The following MACROD2 variants were observed in gnomAD, a reference collection of about 807,000 sequenced individuals.
The protein encoded by MACROD2 is ADP-ribose glycohydrolase MACROD2.
In MACROD2, 36 loss-of-function variants were observed where a neutral mutation model predicts 70.4. That is an observed-to-expected ratio of 0.51 (90% confidence interval 0.39 to 0.68). MACROD2 has a LOEUF of 0.68. Ranked by LOEUF, MACROD2 falls within the 30% of genes least tolerant of loss-of-function variation. The pLI is 0.00. For synonymous variants in MACROD2, 172 were observed against 178.8 expected, an observed-to-expected ratio of 0.96 and a Z score of 0.30; for missense variants, 496 against 538.4, an observed-to-expected ratio of 0.92 and a Z score of 0.78.
intron 3 of MACROD2, among the ~76,000 whole-genome samples, chr20:14,182,707 C>G (rs1003668368): frequency 5.3e-5 from 8 of 152,050 alleles, no homozygotes; most frequent in African/African-American, 1.9e-4. Flanking sequence ...TAAAAATACT[C>G]TTAAGTGTGA....
intron 3 of MACROD2, chr20:14,327,635 G>T: frequency 9.4e-7 from 1 of 1,062,050 alleles, no homozygotes. Flanking sequence ...AACAAATGTG[G>T]AAACTAAAAT....
intron 9 of MACROD2, among the ~76,000 whole-genome samples, chr20:15,874,604 A>T (rs1390626932): frequency 6.6e-6 from 1 of 152,086 alleles, no homozygotes; most frequent in Non-Finnish European, 1.5e-5. Flanking sequence ...AATGATCACC[A>T]TTCTAACTGG....
chr20:15,249,778 A>T (rs564158603), intron 6 of MACROD2, among the ~76,000 whole-genome samples: 1 of 152,218 alleles, frequency 6.6e-6, no homozygotes, highest in South Asian at 2.1e-4. Flanking sequence ...GCAGAATGAC[A>T]ATCCATGTGG....
chr20:14,907,302 C>A (rs1041905513), intron 5 of MACROD2, among the ~76,000 whole-genome samples: 2 of 152,346 alleles, frequency 1.3e-5, no homozygotes, highest in Admixed American at 6.5e-5. Flanking sequence ...TATGGGATGG[C>A]CCTGCTCTGC....
intron 5 of MACROD2, among the ~76,000 whole-genome samples, chr20:15,098,379 T>A (rs912904020): frequency 2.0e-5 from 3 of 152,198 alleles, no homozygotes; most frequent in Non-Finnish European, 4.4e-5. Context: ...GCTCTCCTCA[T>A]AACAGTGTTC....
chr20:14,955,151 A>G (rs989824200), intron 5 of MACROD2, among the ~76,000 whole-genome samples: 2 of 103,210 alleles, frequency 1.9e-5, no homozygotes, highest in Non-Finnish European at 3.8e-5. Flanking sequence ...ATTATATTAT[A>G]TGTACTTTAT....
At chr20:14,123,358 C>G (rs188727502) in intron 3 of MACROD2, among the ~76,000 whole-genome samples, 34 of 152,254 alleles carry the variant, frequency 2.2e-4, no homozygotes, top group Middle Eastern at 3.4e-3. Flanking sequence ...TTCTCAGCTG[C>G]TATGTGGCAT....
chr20:14,941,118 G>A (rs926673759), intron 5 of MACROD2, among the ~76,000 whole-genome samples: 4 of 152,048 alleles, frequency 2.6e-5, no homozygotes, highest in Non-Finnish European at 5.9e-5. Flanking sequence ...TTCAATTTTA[G>A]TAGATTGTAT....
chr20:14,510,905 A>G (rs416436), intron 4 of MACROD2, among the ~76,000 whole-genome samples: 124,838 of 152,082 alleles, frequency 0.82, 51,656 homozygotes, highest in East Asian at 1. Context: ...ATGTTACATG[A>G]TAAGTACTGG....
intron 15 of MACROD2, among the ~76,000 whole-genome samples, chr20:16,000,214 C>T (rs535174349): frequency 6.6e-6 from 1 of 152,288 alleles, no homozygotes; most frequent in East Asian, 1.9e-4. Flanking sequence ...AATGTGAACT[C>T]CCTCATTTCA....
intron 3 of MACROD2, among the ~76,000 whole-genome samples, chr20:14,437,340 A>G (rs2084067892): frequency 6.6e-6 from 1 of 152,148 alleles, no homozygotes; most frequent in Non-Finnish European, 1.5e-5. Context: ...CACACCTGTA[A>G]TCCCAGCACT....
intron 8 of MACROD2, among the ~76,000 whole-genome samples, chr20:15,537,279 C>T (rs1375048656): frequency 2.0e-5 from 3 of 152,008 alleles, no homozygotes; most frequent in Non-Finnish European, 4.4e-5. Flanking sequence ...TGAAGCCTCC[C>T]CAGCCATGTG....
intron 6 of MACROD2, among the ~76,000 whole-genome samples, chr20:15,360,264 C>G (rs1227621654): frequency 6.6e-6 from 1 of 152,068 alleles, no homozygotes; most frequent in Non-Finnish European, 1.5e-5. Flanking sequence ...TATTGAAGGA[C>G]AGTTTTGTTG....
At chr20:15,701,571 C>T (rs533323747) in intron 8 of MACROD2, among the ~76,000 whole-genome samples, 2 of 152,076 alleles carry the variant, frequency 1.3e-5, no homozygotes, top group Non-Finnish European at 2.9e-5. Context: ...AGTACTTTCT[C>T]CTTTCAGTGT....
chr20:16,006,954 G>A (rs193178396), intron 15 of MACROD2, among the ~76,000 whole-genome samples: 31 of 152,272 alleles, frequency 2.0e-4, no homozygotes, highest in Middle Eastern at 3.4e-3. Flanking sequence ...AGATGTGCCT[G>A]TATTAAATAT....
At chr20:16,012,282 A>G (rs1203044696) in intron 15 of MACROD2, among the ~76,000 whole-genome samples, 2 of 152,138 alleles carry the variant, frequency 1.3e-5, no homozygotes, top group Non-Finnish European at 2.9e-5. Context: ...CACATTAGAG[A>G]GGACACACCG....
In MACROD2 at chr20:14,417,062, CTATCATCTATCTATCTATCT is replaced by C. The variant is rs752754832; in HGVS notation, c.272-76416_272-76397del. Among the ~76,000 whole-genome samples, 43 of 73,092 alleles carry C rather than the reference CTATCATCTATCTATCTATCT, an allele frequency of 5.9e-4. No homozygotes were observed. In the East Asian group the frequency reaches 7.1e-3, roughly 12 times the overall value. 48.0% of individuals were successfully genotyped at this position (73,092 alleles called of 152,430 possible). A position where few individuals can be genotyped will look rare whatever the true frequency, so the allele number is the denominator to read the frequency against. ...ATCTATCTATTATCTATCTATCTAT[CTATCATCTATCTATCTATCT>C]ATCTATCTATCTATCTATCTATCTA... On this transcript the variant is annotated intron_variant, in intron 3 of 17. Transcript: ENST00000684519.
At chr20:14,346,145 T>C (rs1292240250) in intron 3 of MACROD2, among the ~76,000 whole-genome samples, 1 of 146,314 alleles carries the variant, frequency 6.8e-6, no homozygotes, top group Non-Finnish European at 1.5e-5. Flanking sequence ...AATTCCCTTG[T>C]GAAAATCAGG....
intron 10 of MACROD2, among the ~76,000 whole-genome samples, chr20:15,892,237 T>C (rs192586474): frequency 6.6e-6 from 1 of 152,258 alleles, no homozygotes; most frequent in East Asian, 1.9e-4. Context: ...CTGTTGAAGA[T>C]GTAAGTCATG....
Sources: gnomAD v4.1 joint callset for allele counts (sites outside exome capture counted in the v4.1 genomes callset) on GRCh38, gnomAD v4.1.1 for gene constraint, MANE v1.5 for transcripts, NCBI Gene and HGNC (gene_info 2026-07-23, HGNC 2026-07-21) for gene names.